The following SNAP47 variants were observed in gnomAD, a reference collection of about 807,000 sequenced individuals.
SNAP47 encodes the protein synaptosomal-associated protein 47.
A neutral mutation model predicts 31.4 loss-of-function variants in SNAP47; 20 were observed. That is an observed-to-expected ratio of 0.64 (90% CI 0.45 to 0.93). SNAP47 has a LOEUF of 0.93. SNAP47 is among the 40% of genes least tolerant of loss of function. SNAP47 has a pLI of 0.00. For synonymous variants in SNAP47, 194 were observed against 213.4 expected, an observed-to-expected ratio of 0.91 and a Z score of 0.79; for missense variants, 492 against 528.5, an observed-to-expected ratio of 0.93 and a Z score of 0.68.
chr1:227,751,352 G>A (rs189075401), intron 2 of SNAP47, among the ~76,000 whole-genome samples: 20 of 152,298 alleles, frequency 1.3e-4, no homozygotes, highest in East Asian at 5.8e-4. Context: ...CCCCACCGCC[G>A]GCCAGGTGCA....
upstream of SNAP47, chr1:227,732,514 C>A (rs754926802): frequency 1.9e-6 from 3 of 1,613,260 alleles, no homozygotes; most frequent in East Asian, 6.7e-5. Context: ...GAGGCCAGCA[C>A]CTCTGTGATG....
At chr1:227,733,627 A>G, upstream of SNAP47, 11 of 1,603,066 alleles carry the variant, frequency 6.9e-6, no homozygotes, top group Non-Finnish European at 9.3e-6. Context: ...TCTTCCTCCC[A>G]CAGACATTGA....
intron 2 of SNAP47, among the ~76,000 whole-genome samples, chr1:227,752,166 T>C (rs1662416582): frequency 6.6e-6 from 1 of 152,208 alleles, no homozygotes; most frequent in Non-Finnish European, 1.5e-5. Context: ...ATGCAGTGTT[T>C]GTACCCACTG....
At chr1:227,750,530 G>A (rs1434875767) in intron 2 of SNAP47, among the ~76,000 whole-genome samples, 1 of 152,250 alleles carries the variant, frequency 6.6e-6, no homozygotes, top group African/African-American at 2.4e-5. Flanking sequence ...ACATGCCCTG[G>A]CAAGCTGGGA....
Position 227,762,387 on chromosome 1 carries a change from A to T in SNAP47, c.988+2902A>T, listed in dbSNP as rs181962848. On this transcript the variant is annotated intron_variant, in intron 3 of 4. Coordinates refer to ENST00000617596, the MANE Select transcript of SNAP47 (RefSeq NM_053052.4). This position sits in a 1 kb window ranked among gnomAD's most constrained non-coding sequence, Gnocchi z 4.2. ...AGAAGGCGGCGCCCCGTTTGATGGG[A>T]GCTCAGTAGTCTGTGGGGCACTTGT... Among the ~76,000 whole-genome samples, 1 of 152,114 alleles carries T rather than the reference A, an allele frequency of 6.6e-6. No individual in the cohort carries two copies. The highest frequency in any genetic ancestry group is 2.4e-5 in the African/African-American group (1 of 41,436).
upstream of SNAP47, chr1:227,735,178 G>A: frequency 2.5e-6 from 4 of 1,581,210 alleles, no homozygotes; most frequent in Non-Finnish European, 3.4e-6. Context: ...GCTCCGAGAC[G>A]AAGGCTACCC....
At chr1:227,773,056 G>A (rs1663924155) in intron 4 of SNAP47, among the ~76,000 whole-genome samples, 1 of 151,888 alleles carries the variant, frequency 6.6e-6, no homozygotes. Context: ...CGCCTCCCAG[G>A]CTCAGGTGAT....
intron 4 of SNAP47, among the ~76,000 whole-genome samples, chr1:227,775,176 T>G (rs564252499): frequency 6.6e-6 from 1 of 152,232 alleles, no homozygotes; most frequent in South Asian, 2.1e-4. Flanking sequence ...GAGTGCCGAG[T>G]GTGACAGATC....
upstream of SNAP47, chr1:227,728,557 G>GCCCCGTCCCCGCCTGTCCCT (rs1373651113): frequency 1.8e-4 from 19 of 104,438 alleles, no homozygotes; most frequent in African/African-American, 6.4e-4. Flanking sequence ...CCAGCCTCCC[G>GCCCCGTCCCCGCCTGTCCCT]CCCCCTCCCC....
chr1:227,767,030 C>A lies in SNAP47; in HGVS notation c.1060C>A (p.Leu354Met), dbSNP rs773745138. Reference sequence around the variant, plus strand: ...AGACCAGGAGGGCACAGCACTGCACCTGCAGACAAGCCTGCCAGCCCTTTC... The same window carrying A: ...AGACCAGGAGGGCACAGCACTGCACATGCAGACAAGCCTGCCAGCCCTTTC... ...AGDQEGTALH[L>M]QTSLPALSEA... The change falls in exon 4 of 5, where the codon CTG becomes ATG. Residue 354 changes from leucine (L) to methionine (M), a missense_variant. Leu to Met is a conservative substitution (Grantham distance 15, BLOSUM62 2). Coordinates refer to ENST00000617596, the MANE Select transcript of SNAP47 (RefSeq NM_053052.4). The A allele has an allele frequency of 1.9e-5, 31 of 1,613,950 alleles. No homozygotes were observed. The highest frequency in any genetic ancestry group is 4.4e-5 in the South Asian group (4 of 91,092).
intron 3 of SNAP47, among the ~76,000 whole-genome samples, chr1:227,765,430 G>T (rs1663332421): frequency 6.6e-6 from 1 of 152,206 alleles, no homozygotes; most frequent in Non-Finnish European, 1.5e-5. Flanking sequence ...GCCTAGCTTG[G>T]CCTGTGCACT....
intron 1 of SNAP47, among the ~76,000 whole-genome samples, chr1:227,738,896 T>C (rs1661408460): frequency 6.6e-6 from 1 of 152,214 alleles, no homozygotes; most frequent in Non-Finnish European, 1.5e-5. Context: ...CACAGCTCCC[T>C]GAGATCACTG....
At chr1:227,739,864 G>T (rs1661474376) in intron 1 of SNAP47, among the ~76,000 whole-genome samples, 1 of 152,224 alleles carries the variant, frequency 6.6e-6, no homozygotes, top group Non-Finnish European at 1.5e-5. Flanking sequence ...CGGGTCCCCA[G>T]GCCCACACCT....
chr1:227,732,010 TG>T (rs1660681435), upstream of SNAP47: 2 of 275,668 alleles, frequency 7.3e-6, no homozygotes, highest in East Asian at 1.6e-4. Context: ...GAGCCAGGGG[TG>T]GTCCAATGGC....
intron 2 of SNAP47, among the ~76,000 whole-genome samples, chr1:227,749,061 T>C (rs1662169734): frequency 6.6e-6 from 1 of 152,232 alleles, no homozygotes; most frequent in South Asian, 2.1e-4. Context: ...TTCTTAGAAC[T>C]CTTTTGTGTT....
intron 1 of SNAP47, among the ~76,000 whole-genome samples, chr1:227,745,575 G>C (rs1460163538): frequency 6.6e-6 from 1 of 152,106 alleles, no homozygotes; most frequent in Non-Finnish European, 1.5e-5. Flanking sequence ...GGGGCTACAT[G>C]GGTCTGAGAC....
In SNAP47 at chr1:227,759,501, G is replaced by A. The variant is rs369712303; in HGVS notation, c.988+16G>A. On this transcript the variant is annotated intron_variant, in intron 3 of 4. Coordinates refer to ENST00000617596, the MANE Select transcript of SNAP47 (RefSeq NM_053052.4). ...TGGCATGCAGGTTAGTGACCGACAAGGCAGTGAGCGCGTGCACAGACTTCT... is the reference window on the plus strand; with the variant it reads ...TGGCATGCAGGTTAGTGACCGACAAAGCAGTGAGCGCGTGCACAGACTTCT... 24 of 1,611,048 alleles carry A rather than the reference G, an allele frequency of 1.5e-5. No homozygotes were observed. The East Asian group carries it at 2.2e-4, about 15-fold the overall frequency.
chr1:227,733,601 G>T (rs747713480), upstream of SNAP47: 1 of 1,606,462 alleles, frequency 6.2e-7, no homozygotes, highest in Non-Finnish European at 8.5e-7. Context: ...CTGCCCTGGG[G>T]GGAAGAGGAG....
At chr1:227,753,264 G>C (rs1558199816) in intron 2 of SNAP47, among the ~76,000 whole-genome samples, 3 of 152,310 alleles carry the variant, frequency 2.0e-5, no homozygotes, top group Admixed American at 6.5e-5. Flanking sequence ...TATTGTGGAG[G>C]CTAAAGCAAC....
Sources: allele counts gnomAD v4.1 joint callset (sites outside exome capture counted in the v4.1 genomes callset), GRCh38; gene constraint gnomAD v4.1.1; non-coding constraint Gnocchi (gnomAD v3.1); transcripts MANE v1.5; gene names NCBI Gene and HGNC (gene_info 2026-07-23, HGNC 2026-07-21).